The following CDC73 variants were observed in gnomAD, a reference collection of about 807,000 sequenced individuals.
The protein encoded by CDC73 is cell division cycle 73.
A neutral mutation model predicts 83.7 loss-of-function variants in CDC73; 21 were observed. The ratio of observed to expected loss-of-function variants is 0.25; its 90% CI spans 0.18 to 0.36. The LOEUF is 0.36. CDC73 is among the 10% of genes least tolerant of loss of function. The pLI is 1.00. For missense variants in CDC73, 342 were observed against 653.3 expected (o/e 0.52, Z 5.19); for synonymous variants, 224 against 212.9 (o/e 1.05, Z -0.45).
intron 11 of CDC73, among the ~76,000 whole-genome samples, chr1:193,210,824 G>A (rs1677265633): frequency 6.6e-6 from 1 of 152,034 alleles, no homozygotes; most frequent in African/African-American, 2.4e-5. Flanking sequence ...ATACATGACT[G>A]ATTACCTGTA....
chr1:193,234,022 G>GAATATT (rs1042617099), intron 14 of CDC73, among the ~76,000 whole-genome samples: 8 of 150,942 alleles, frequency 5.3e-5, no homozygotes, highest in Non-Finnish European at 7.4e-5. Flanking sequence ...AAGGCATTGA[G>GAATATT]AATATTAATA....
chr1:193,249,897 G>T (rs201430562), intron 16 of CDC73, 26 bp downstream of exon 16: 2 of 1,608,412 alleles, frequency 1.2e-6, no homozygotes, highest in Middle Eastern at 1.6e-4. Flanking sequence ...AAATATGCTT[G>T]TGTGTGTTTT....
chr1:193,134,463 G>A (rs1391374557), intron 3 of CDC73, among the ~76,000 whole-genome samples: 2 of 152,092 alleles, frequency 1.3e-5, no homozygotes, highest in Non-Finnish European at 2.9e-5. Flanking sequence ...GAGGTCAGGA[G>A]ATCGAGACCA....
intron 3 of CDC73, among the ~76,000 whole-genome samples, chr1:193,134,961 A>G (rs1675763847): frequency 6.6e-6 from 1 of 152,270 alleles, no homozygotes; most frequent in East Asian, 1.9e-4. Flanking sequence ...AAAATAATTT[A>G]GTTTTTTACC....
At chr1:193,187,102 T>TTTCCCC (rs1553285108) in intron 10 of CDC73, among the ~76,000 whole-genome samples, 1 of 32,876 alleles carries the variant, frequency 3.0e-5, no homozygotes. Flanking sequence ...GTAATTTAGA[T>TTTCCCC]CCCCCCCCCC....
In CDC73 at chr1:193,180,660, G is replaced by A. The variant is rs753926771; in HGVS notation, c.973-23135G>A. On this transcript the variant is annotated intron_variant, in intron 10 of 16. Transcript: ENST00000367435. ...CAGGATAACGCTCACTTGGGTAGAGGTCTGGTGGCATGTACCACTTGCTAT... is the reference window on the plus strand; with the variant it reads ...CAGGATAACGCTCACTTGGGTAGAGATCTGGTGGCATGTACCACTTGCTAT... 3.1e-6 allele frequency: 5 copies of A among 1,614,072 alleles called. No homozygotes were observed. The Admixed American group carries it at 5.0e-5, about 16-fold the overall frequency.
chr1:193,169,722 T>C (rs1054038788), intron 10 of CDC73, among the ~76,000 whole-genome samples: 6 of 152,224 alleles, frequency 3.9e-5, no homozygotes, highest in South Asian at 2.1e-4. Context: ...CTGTAAGATG[T>C]ATTTCCAAAT....
intron 7 of CDC73, among the ~76,000 whole-genome samples, chr1:193,144,980 C>T (rs1675971499): frequency 6.6e-6 from 1 of 152,020 alleles, no homozygotes; most frequent in South Asian, 2.1e-4. Context: ...ATTCTTTTTC[C>T]ACCCATAAGT....
chr1:193,243,385 GT>G (rs1447648358), intron 15 of CDC73, among the ~76,000 whole-genome samples: 3 of 152,068 alleles, frequency 2.0e-5, no homozygotes, highest in Non-Finnish European at 4.4e-5. Flanking sequence ...AACTTTATAT[GT>G]TTTTAAAAAT....
chr1:193,175,640 A>G (rs1676587782), intron 10 of CDC73, among the ~76,000 whole-genome samples: 1 of 152,268 alleles, frequency 6.6e-6, no homozygotes, highest in Non-Finnish European at 1.5e-5. Flanking sequence ...CAGCATAACA[A>G]CTATTTACAT....
chr1:193,214,502 G>A lies in CDC73; in HGVS notation c.1154+2025G>A, dbSNP rs546110034. Among the ~76,000 whole-genome samples the A allele has an allele frequency of 5.9e-5, 9 of 152,230 alleles. No homozygotes were observed. In the East Asian group the frequency reaches 1.7e-3, roughly 29 times the overall value. ...GGAGGCCGAGGTGGGTGGATCATGA[G>A]GTCAGGAGATCAAGACCATCCTGGC... On this transcript the variant is annotated intron_variant, in intron 13 of 16. Transcript: ENST00000367435.
At chr1:193,230,869 C>G (rs1677651501) in intron 13 of CDC73, among the ~76,000 whole-genome samples, 1 of 152,100 alleles carries the variant, frequency 6.6e-6, no homozygotes, top group South Asian at 2.1e-4. Flanking sequence ...CAAATGAGAT[C>G]CTTGCTGAAA....
intron 10 of CDC73, among the ~76,000 whole-genome samples, chr1:193,197,950 G>A (rs1038171187): frequency 6.9e-6 from 1 of 145,412 alleles, no homozygotes; most frequent in African/African-American, 2.7e-5. Flanking sequence ...AAAAAAAAGT[G>A]TATGTGCAAA....
intron 10 of CDC73, among the ~76,000 whole-genome samples, chr1:193,162,666 G>A (rs537431952): frequency 3.3e-5 from 5 of 151,926 alleles, no homozygotes; most frequent in Non-Finnish European, 5.9e-5. Context: ...ACCACACCCC[G>A]CCAGTTTAAC....
chr1:193,205,679 A>G (rs933862048), intron 11 of CDC73, among the ~76,000 whole-genome samples: 2 of 152,184 alleles, frequency 1.3e-5, no homozygotes, highest in Non-Finnish European at 1.5e-5. Context: ...AGTAGGGATG[A>G]TCATACCAGA....
chr1:193,232,979 C>T lies in CDC73; in HGVS notation c.1155-14C>T, dbSNP rs377158112. ...GGAATACATTGACTTTTTCTCATCTCTGTTTTTTCAAAGATTTGTCCCATC... is the reference window on the plus strand; with the variant it reads ...GGAATACATTGACTTTTTCTCATCTTTGTTTTTTCAAAGATTTGTCCCATC... On this transcript the variant is annotated splice_polypyrimidine_tract_variant and intron_variant, in intron 13 of 16. Transcript: ENST00000367435. 3 of 1,609,564 alleles carry T rather than the reference C, an allele frequency of 1.9e-6. No individual in the cohort carries two copies. In the African/African-American group the frequency reaches 4.0e-5, roughly 21 times the overall value.
chr1:193,150,236 A>C, intron 8 of CDC73, 68 bp from the exon 9 acceptor site: 6 of 1,116,804 alleles, frequency 5.4e-6, no homozygotes, highest in Non-Finnish European at 8.1e-6. Context: ...ATGCTACTGC[A>C]CTCCAGCACA....
chr1:193,248,343 A>G (rs1677987668), intron 15 of CDC73, among the ~76,000 whole-genome samples: 1 of 152,126 alleles, frequency 6.6e-6, no homozygotes. Context: ...CTTTCAAAAT[A>G]TTAGTGCTGA....
chr1:193,230,143 C>CTT (rs944930837), intron 13 of CDC73, among the ~76,000 whole-genome samples: 39 of 135,090 alleles, frequency 2.9e-4, no homozygotes, highest in African/African-American at 6.2e-4. Context: ...CATTCCCATT[C>CTT]TTTTTTTTTT....
Sources: allele counts gnomAD v4.1 joint callset (sites outside exome capture counted in the v4.1 genomes callset), GRCh38; gene constraint gnomAD v4.1.1; transcripts MANE v1.5; gene names NCBI Gene and HGNC (gene_info 2026-07-23, HGNC 2026-07-21).